DPF3: variants seen among roughly 807,000 people sequenced by gnomAD.
DPF3 encodes the protein double PHD fingers 3.
A neutral mutation model predicts 56.8 loss-of-function variants in DPF3; 18 were observed. That is an observed-to-expected ratio of 0.32 (90% CI 0.22 to 0.47). The LOEUF (loss-of-function observed/expected upper bound fraction) is 0.47. DPF3 is among the 20% of genes least tolerant of loss of function. The pLI is 1.00. For missense variants in DPF3, 403 were observed against 488.8 expected (o/e 0.82, Z 1.65); for synonymous variants, 188 against 180.2 (o/e 1.04, Z -0.35).
chr14:72,838,579 AG>A (rs1423477607), intron 1 of DPF3, among the ~76,000 whole-genome samples: 31 of 151,264 alleles, frequency 2.0e-4, no homozygotes, highest in East Asian at 4.0e-4. Context: ...ATTAGTGGCC[AG>A]GCACAGTAAC....
In DPF3 at chr14:72,731,810, T is replaced by C. The variant is rs752921327; in HGVS notation, c.426A>G (p.Ile142Met). Residue 142 changes from isoleucine (I) to methionine (M), a missense_variant, in exon 4 of 11, where the codon ATA (isoleucine) becomes ATG (methionine). This residue lies in a region of DPF3 where 340 missense variants were observed against 374.3 expected (regional missense o/e 0.91). Transcript: ENST00000556509. ...TCCCCAGCAGGTGTGGGAATACCTGTATTTCCTGGATGCTTTCCTCCTCCC... is the reference window on the plus strand; with the variant it reads ...TCCCCAGCAGGTGTGGGAATACCTGCATTTCCTGGATGCTTTCCTCCTCCC... ...DAREEESIQE[I>M]QRVLENDENV... 8.1e-6 allele frequency: 13 copies of C among 1,613,426 alleles called. No individual in the cohort carries two copies. The Admixed American group carries it at 1.5e-4, about 19-fold the overall frequency.
intron 1 of DPF3, among the ~76,000 whole-genome samples, chr14:72,802,354 T>G (rs1126160): frequency 0.63 from 95,098 of 152,000 alleles, 31,006 homozygotes; most frequent in East Asian, 0.79. Flanking sequence ...CTAAGTGTTT[T>G]GGGCTCCAGT....
intron 1 of DPF3, among the ~76,000 whole-genome samples, chr14:72,860,507 G>A (rs953877603): frequency 6.0e-5 from 9 of 150,740 alleles, no homozygotes; most frequent in Non-Finnish European, 8.9e-5. Context: ...CTTAAATTTC[G>A]TGTTATAAGG....
intron 1 of DPF3, among the ~76,000 whole-genome samples, chr14:72,838,487 C>G (rs959633571): frequency 6.6e-6 from 1 of 152,036 alleles, no homozygotes; most frequent in African/African-American, 2.4e-5. Flanking sequence ...GAGTGAGACC[C>G]TGTCTCCAAA....
At position 72,639,702 on chromosome 14, in the gene DPF3, C is replaced by A. The variant is rs572453184; in HGVS notation, c.872-9966G>T. 5.4e-4 allele frequency among the ~76,000 whole-genome samples: 82 copies of A among 152,160 alleles called. No homozygotes were observed. The Middle Eastern group carries it at 0.017, about 32-fold the overall frequency. On this transcript the variant is annotated intron_variant, in intron 8 of 10. Coordinates refer to ENST00000556509, the MANE Select transcript of DPF3 (RefSeq NM_001280542.3). The stretch of plus-strand genomic sequence containing the variant: ...AGTGAGCCTTCAGATGAGACCACAG[C>A]CCCAGCTGACAACTTGACTGCAACC...
intron 6 of DPF3, among the ~76,000 whole-genome samples, chr14:72,704,294 TAA>T (rs1450595543): frequency 1.4e-4 from 22 of 152,196 alleles, no homozygotes; most frequent in Non-Finnish European, 2.9e-5. Flanking sequence ...ACAATAAAAA[TAA>T]TTTAAATAAT....
chr14:72,791,167 C>G (rs1316770941), intron 1 of DPF3, among the ~76,000 whole-genome samples: 2 of 152,214 alleles, frequency 1.3e-5, no homozygotes, highest in East Asian at 1.9e-4. Context: ...ACTAGCCCCC[C>G]ACCATGTGAG....
chr14:72,667,870 T>C (rs1379881125), intron 8 of DPF3, among the ~76,000 whole-genome samples: 1 of 152,214 alleles, frequency 6.6e-6, no homozygotes, highest in Non-Finnish European at 1.5e-5. Flanking sequence ...TCCTTAATTA[T>C]AGACTATGCA....
intron 4 of DPF3, among the ~76,000 whole-genome samples, chr14:72,724,819 C>T (rs1365765029): frequency 6.6e-6 from 1 of 151,968 alleles, no homozygotes; most frequent in Non-Finnish European, 1.5e-5. Context: ...AGCGATCCTC[C>T]CACCTCAGCC....
At position 72,771,737 on chromosome 14, in the gene DPF3, G is replaced by C; in HGVS notation, c.189C>G (p.Gly63=). The change falls in exon 2 of 11, where the codon GGC becomes GGG. Residue 63 remains glycine (G), a synonymous_variant. Transcript: ENST00000556509. ...CCCAGGAGTGGCGCAGCTCACCTGG[G>C]CCTCGGTGCCTCTTCTCCATCCAGA... ...CYIWMEKRHR[G]PGLAPGQLYT... 6.2e-7 allele frequency: 1 copy of C among 1,611,770 alleles called. No homozygotes were observed. Among genetic ancestry groups the C allele is most frequent in the Middle Eastern group, 1.7e-4 (1 of 5,808 alleles).
intron 8 of DPF3, among the ~76,000 whole-genome samples, chr14:72,666,860 C>T (rs370582887): frequency 6.6e-6 from 1 of 152,158 alleles, no homozygotes; most frequent in Non-Finnish European, 1.5e-5. Flanking sequence ...AGGAAAAATT[C>T]CTAACAGATG....
At chr14:72,795,291 AAAAAATAT>A (rs998563094) in intron 1 of DPF3, among the ~76,000 whole-genome samples, 4 of 122,412 alleles carry the variant, frequency 3.3e-5, no homozygotes, top group Admixed American at 8.5e-5. Flanking sequence ...AAAAAAAAAA[AAAAAATAT>A]ATATATATAT....
At chr14:72,798,480 T>G (rs1892730301) in intron 1 of DPF3, among the ~76,000 whole-genome samples, 1 of 152,176 alleles carries the variant, frequency 6.6e-6, no homozygotes, top group South Asian at 2.1e-4. Flanking sequence ...TTATCCTTGA[T>G]AGTGGAGAAA....
At chr14:72,779,069 G>C (rs144843101) in intron 1 of DPF3, among the ~76,000 whole-genome samples, 1 of 152,088 alleles carries the variant, frequency 6.6e-6, no homozygotes, top group Non-Finnish European at 1.5e-5. Context: ...TGATTTACCC[G>C]CAGTGTTCAG....
chr14:72,753,084 C>T (rs770726092), intron 3 of DPF3, among the ~76,000 whole-genome samples, 180 bp downstream of exon 3: 21 of 152,170 alleles, frequency 1.4e-4, no homozygotes, highest in Non-Finnish European at 2.6e-4. Context: ...CAGGTGGACA[C>T]GTGGTCATGT....
chr14:72,625,547 T>C (rs1884773006), intron 9 of DPF3, among the ~76,000 whole-genome samples: 1 of 152,194 alleles, frequency 6.6e-6, no homozygotes, highest in Non-Finnish European at 1.5e-5. Flanking sequence ...GTTCTTTTTA[T>C]GAGAGAATGG....
intron 7 of DPF3, among the ~76,000 whole-genome samples, chr14:72,674,730 GATGGAAACCACACACC>G (rs1886837617): frequency 6.6e-6 from 1 of 152,360 alleles, no homozygotes; most frequent in Non-Finnish European, 1.5e-5. Flanking sequence ...CCAGGCATCA[GATGGAAACCACACACC>G]ATGGTGTGAG....
intron 7 of DPF3, among the ~76,000 whole-genome samples, chr14:72,675,922 T>C (rs764471506): frequency 2.0e-5 from 3 of 152,178 alleles, no homozygotes; most frequent in Admixed American, 6.5e-5. Context: ...CTTTTGCAAA[T>C]AATCTCCAAA....
intron 3 of DPF3, among the ~76,000 whole-genome samples, chr14:72,745,180 G>C (rs1459867034): frequency 6.6e-6 from 1 of 152,174 alleles, no homozygotes; most frequent in Non-Finnish European, 1.5e-5. Context: ...TAAATTTAAA[G>C]AGATGCAACC....
Sources: allele counts gnomAD v4.1 joint callset (sites outside exome capture counted in the v4.1 genomes callset), GRCh38; gene constraint gnomAD v4.1.1; regional missense constraint gnomAD v4.1.1; transcripts MANE v1.5; gene names NCBI Gene and HGNC (gene_info 2026-07-23, HGNC 2026-07-21).